ITSN1: variants seen among roughly 807,000 people sequenced by gnomAD.
ITSN1 encodes intersectin 1.
A neutral mutation model predicts 239.8 loss-of-function variants in ITSN1; 58 were observed. The ratio of observed to expected loss-of-function variants is 0.24; its 90% confidence interval spans 0.20 to 0.30. The LOEUF (loss-of-function observed/expected upper bound fraction) is 0.30. Among genes scored for constraint, ITSN1 ranks in the 10% least tolerant of loss-of-function variants. ITSN1 has a pLI of 1.00. For synonymous variants in ITSN1, 780 were observed against 770.8 expected, an observed-to-expected ratio of 1.01 and a Z score of -0.20; for missense variants, 1,558 against 2,103.3, an observed-to-expected ratio of 0.74 and a Z score of 5.07.
chr21:33,832,097 G>C (rs1017164594), intron 27 of ITSN1, among the ~76,000 whole-genome samples: 1 of 152,154 alleles, frequency 6.6e-6, no homozygotes, highest in Non-Finnish European at 1.5e-5. Flanking sequence ...GCAGCCTCAC[G>C]TCTTACCGCT....
intron 29 of ITSN1, among the ~76,000 whole-genome samples, chr21:33,854,094 A>G (rs925266695): frequency 6.6e-6 from 1 of 152,234 alleles, no homozygotes; most frequent in Non-Finnish European, 1.5e-5. Context: ...ACAGTCTTCA[A>G]AAGGGCCTGT....
chr21:33,837,971 T>C (rs941246602), intron 29 of ITSN1: 4 of 985,716 alleles, frequency 4.1e-6, no homozygotes, highest in South Asian at 4.7e-5. Flanking sequence ...GAATGACCTA[T>C]TTTGAACAAG....
intron 26 of ITSN1, among the ~76,000 whole-genome samples, chr21:33,828,654 CCTT>C (rs1313321821): frequency 1.3e-5 from 2 of 152,178 alleles, no homozygotes; most frequent in East Asian, 3.9e-4. Flanking sequence ...GTCCTTCTTT[CCTT>C]CTTTTCTCCT....
intron 1 of ITSN1, among the ~76,000 whole-genome samples, chr21:33,686,532 G>A (rs1028069485): frequency 1.3e-5 from 2 of 152,106 alleles, no homozygotes; most frequent in African/African-American, 4.8e-5. Flanking sequence ...CTGAGTGCTC[G>A]CCGATGTATC....
At chr21:33,679,412 C>T (rs2090795721) in intron 1 of ITSN1, among the ~76,000 whole-genome samples, 1 of 152,184 alleles carries the variant, frequency 6.6e-6, no homozygotes, top group Admixed American at 6.5e-5. Flanking sequence ...AGGACAATTT[C>T]ACTATTTTAG....
chr21:33,870,348 C>T (rs1982495646), intron 33 of ITSN1, among the ~76,000 whole-genome samples: 1 of 151,960 alleles, frequency 6.6e-6, no homozygotes. Context: ...AAAACTAAAA[C>T]AAGAAAAGGA....
intron 4 of ITSN1, among the ~76,000 whole-genome samples, chr21:33,733,598 T>A (rs1448389927): frequency 2.6e-5 from 3 of 116,028 alleles, no homozygotes; most frequent in Non-Finnish European, 5.3e-5. Flanking sequence ...TGATACACTA[T>A]GAGCTCTTAT....
chr21:33,676,717 G>A (rs994292715), intron 1 of ITSN1, among the ~76,000 whole-genome samples: 10 of 152,232 alleles, frequency 6.6e-5, no homozygotes, highest in African/African-American at 2.2e-4. Context: ...AAGCCACTAA[G>A]TGTCACACTG....
Position 33,781,548 on chromosome 21 carries a change from A to G in ITSN1, c.1684A>G (p.Arg562Gly). The G allele has an allele frequency of 1.3e-6, 2 of 1,489,186 alleles. No individual in the cohort carries two copies. The highest frequency in any genetic ancestry group is 1.3e-5 in the South Asian group (1 of 79,730). 92.2% of individuals were successfully genotyped at this position (1,489,186 alleles called of 1,614,324 possible). The change falls in exon 15 of 40, where the codon AGA (arginine) becomes GGA (glycine). Residue 562 changes from arginine (R) to glycine (G), a missense_variant and splice_region_variant. Transcript: ENST00000381318. The stretch of plus-strand genomic sequence containing the variant: ...ACAAGTTCAGCAGAACAGTTTGCAC[A>G]GTAGGTGTTTTATTTTTAAAGTTGA... ...LKQVQQNSLH[R>G]DSLVTLKRAL...
At chr21:33,693,885 A>G (rs2091672755) in intron 1 of ITSN1, among the ~76,000 whole-genome samples, 1 of 152,222 alleles carries the variant, frequency 6.6e-6, no homozygotes, top group South Asian at 2.1e-4. Flanking sequence ...TTTTATATAT[A>G]AGTGAAAATA....
At chr21:33,829,940 A>T (rs958148093) in intron 27 of ITSN1, among the ~76,000 whole-genome samples, 195 bp downstream of exon 27, 1 of 152,208 alleles carries the variant, frequency 6.6e-6, no homozygotes, top group African/African-American at 2.4e-5. Flanking sequence ...GATTTCTGAG[A>T]GCTAGGAGCG....
intron 5 of ITSN1, among the ~76,000 whole-genome samples, chr21:33,743,380 C>T (rs896588427): frequency 2.0e-5 from 3 of 152,252 alleles, no homozygotes; most frequent in East Asian, 3.9e-4. Context: ...GCATGAGAAT[C>T]GCTTGAACCC....
chr21:33,717,654 C>T (rs1249494225), intron 1 of ITSN1, among the ~76,000 whole-genome samples: 3 of 152,106 alleles, frequency 2.0e-5, no homozygotes, highest in Non-Finnish European at 1.5e-5. Flanking sequence ...CTCCTGGGTT[C>T]ACGCCATTCT....
intron 16 of ITSN1, among the ~76,000 whole-genome samples, chr21:33,785,093 G>A (rs1391513259): frequency 6.6e-6 from 1 of 152,144 alleles, no homozygotes; most frequent in Non-Finnish European, 1.5e-5. Context: ...TCATGTTCAC[G>A]TAGATTGTTC....
At chr21:33,834,521 A>T in intron 28 of ITSN1, 97 bp downstream of exon 28, 1 of 877,606 alleles carries the variant, frequency 1.1e-6, no homozygotes, top group South Asian at 1.5e-5. Flanking sequence ...TGTTTTTCAC[A>T]TGTGCTTTAA....
chr21:33,704,328 TTTC>T (rs2092151392), intron 1 of ITSN1, among the ~76,000 whole-genome samples: 1 of 152,198 alleles, frequency 6.6e-6, no homozygotes, highest in South Asian at 2.1e-4. Flanking sequence ...TTGGTTTATC[TTTC>T]TTCTTTCGTT....
At chr21:33,678,980 T>C (rs756230266) in intron 1 of ITSN1, among the ~76,000 whole-genome samples, 2 of 152,252 alleles carry the variant, frequency 1.3e-5, no homozygotes, top group Non-Finnish European at 2.9e-5. Flanking sequence ...TTCTTGATTT[T>C]TTAACCTGAA....
At chr21:33,721,104 G>T in intron 2 of ITSN1, 74 bp from the exon 3 acceptor site, 1 of 915,906 alleles carries the variant, frequency 1.1e-6, no homozygotes, top group Non-Finnish European at 1.8e-6. Context: ...GAAGTGCTGT[G>T]GAAATAGTGT....
rs1488307005 is a variant in ITSN1 at position 33,679,958 on chromosome 21, A to C, written c.-33+37245A>C. Among the ~76,000 whole-genome samples, 4 of 152,156 alleles carry C rather than the reference A, an allele frequency of 2.6e-5. No individual in the cohort carries two copies. The South Asian group carries it at 8.3e-4, about 31-fold the overall frequency. On this transcript the variant is annotated intron_variant, in intron 1 of 39. Coordinates refer to ENST00000381318, the MANE Select transcript of ITSN1 (RefSeq NM_003024.3). Reference sequence around the variant, plus strand: ...CGTGATCCGCCTGTCTGGTCCTCCCAAAGTGCTGGGATTACAGGCGTGAGA... The same window carrying C: ...CGTGATCCGCCTGTCTGGTCCTCCCCAAGTGCTGGGATTACAGGCGTGAGA...
Sources: allele counts gnomAD v4.1 joint callset (sites outside exome capture counted in the v4.1 genomes callset), GRCh38; gene constraint gnomAD v4.1.1; transcripts MANE v1.5; gene names NCBI Gene and HGNC (gene_info 2026-07-23, HGNC 2026-07-21).